DNAH3: variants seen among roughly 807,000 people sequenced by gnomAD.
The protein encoded by DNAH3 is dynein axonemal heavy chain 3.
A neutral mutation model predicts 432.5 loss-of-function variants in DNAH3; 332 were observed. That is an observed-to-expected ratio of 0.77 (90% confidence interval 0.70 to 0.84). The LOEUF is 0.84. Ranked by LOEUF, DNAH3 falls within the 40% of genes least tolerant of loss-of-function variation. The pLI is 0.00. For missense variants in DNAH3, 4,861 were observed against 5,114.0 expected, an observed-to-expected ratio of 0.95 and a Z score of 1.51; for synonymous variants, 1,956 against 1,900.2, an observed-to-expected ratio of 1.03 and a Z score of -0.76.
intron 19 of DNAH3, among the ~76,000 whole-genome samples, chr16:21,086,147 A>G (rs192203333): frequency 3.9e-5 from 6 of 152,256 alleles, no homozygotes; most frequent in Admixed American, 3.9e-4. Flanking sequence ...TTCCATACAG[A>G]GCGACTCCTG....
At chr16:21,141,792 T>C (rs922094264) in intron 3 of DNAH3, among the ~76,000 whole-genome samples, 1 of 152,250 alleles carries the variant, frequency 6.6e-6, no homozygotes, top group Non-Finnish European at 1.5e-5. Context: ...GGCTCATGCC[T>C]GTAATCCCAG....
chr16:21,030,220 A>G (rs1466628013), intron 37 of DNAH3, among the ~76,000 whole-genome samples: 1 of 152,176 alleles, frequency 6.6e-6, no homozygotes, highest in Non-Finnish European at 1.5e-5. Flanking sequence ...TTCCTTGACC[A>G]ACAGAATGCA....
intron 41 of DNAH3, among the ~76,000 whole-genome samples, chr16:21,013,530 G>A (rs1422220198): frequency 6.6e-6 from 1 of 152,064 alleles, no homozygotes; most frequent in African/African-American, 2.4e-5. Context: ...AGACTAGCCT[G>A]ACCAACGTGG....
At chr16:20,977,826 T>C (rs1182245241) in intron 50 of DNAH3, among the ~76,000 whole-genome samples, 1 of 152,214 alleles carries the variant, frequency 6.6e-6, no homozygotes, top group Non-Finnish European at 1.5e-5. Context: ...TGGTCTAGAC[T>C]GTCTTAGGTC....
intron 43 of DNAH3, among the ~76,000 whole-genome samples, 181 bp from the exon 44 acceptor site, chr16:20,997,643 G>C (rs2086820049): frequency 6.6e-6 from 1 of 151,970 alleles, no homozygotes; most frequent in Non-Finnish European, 1.5e-5. Context: ...CTGAGTTCTG[G>C]GCTCTCCTGC....
At chr16:21,158,496 C>G (rs2092915315) in intron 1 of DNAH3, 1 of 152,432 alleles carries the variant, frequency 6.6e-6, no homozygotes, top group Non-Finnish European at 1.5e-5. Flanking sequence ...GCTCCGAAAG[C>G]CAGTGGGAGC....
chr16:21,031,707 T>A (rs552552741), intron 36 of DNAH3, among the ~76,000 whole-genome samples: 1 of 152,284 alleles, frequency 6.6e-6, no homozygotes, highest in Admixed American at 6.5e-5. Context: ...AATCCTCTTT[T>A]CAAATAGGGC....
exon 22 of DNAH3, chr16:21,070,798 T>C (rs2090752991): frequency 3.7e-6 from 6 of 1,611,164 alleles, no homozygotes; most frequent in Non-Finnish European, 5.1e-6. Context: ...CATTTGAATG[T>C]CATCAATTGC....
intron 19 of DNAH3, among the ~76,000 whole-genome samples, chr16:21,085,675 T>A (rs949236547): frequency 6.6e-6 from 1 of 152,046 alleles, no homozygotes; most frequent in Non-Finnish European, 1.5e-5. Flanking sequence ...AGACCCTGAC[T>A]CTCTCATGTA....
At chr16:21,106,864 G>C (rs1002940877) in intron 14 of DNAH3, among the ~76,000 whole-genome samples, 190 bp from the exon 15 acceptor site, 1 of 151,782 alleles carries the variant, frequency 6.6e-6, no homozygotes, top group African/African-American at 2.4e-5. Context: ...CTAAACTCCA[G>C]GAATAATAGC....
At chr16:20,945,965 T>C (rs1001949156) in intron 57 of DNAH3, among the ~76,000 whole-genome samples, 2 of 152,076 alleles carry the variant, frequency 1.3e-5, no homozygotes, top group Non-Finnish European at 2.9e-5. Flanking sequence ...TATCTGTAAA[T>C]AGAAAAACAA....
chr16:21,048,306 T>G (rs998891014), intron 31 of DNAH3, among the ~76,000 whole-genome samples: 2 of 152,216 alleles, frequency 1.3e-5, no homozygotes, highest in Non-Finnish European at 2.9e-5. Flanking sequence ...GATCTCAGAC[T>G]GCTGTGCTAG....
chr16:21,024,652 T>G, exon 39 of DNAH3: 3 of 1,613,716 alleles, frequency 1.9e-6, no homozygotes, highest in Non-Finnish European at 2.5e-6. Flanking sequence ...TAGGAATCCT[T>G]CAGGGGCTTC....
intron 12 of DNAH3, among the ~76,000 whole-genome samples, chr16:21,116,684 G>A (rs975009359): frequency 2.6e-5 from 4 of 152,200 alleles, no homozygotes; most frequent in Admixed American, 2.6e-4. Flanking sequence ...GACATGGCCT[G>A]TGGGTTCAGA....
intron 19 of DNAH3, among the ~76,000 whole-genome samples, chr16:21,083,646 G>A (rs1249633090): frequency 6.6e-6 from 1 of 152,124 alleles, no homozygotes; most frequent in East Asian, 1.9e-4. Context: ...CACAGCCATG[G>A]CCTTGCTTCA....
exon 53 of DNAH3, chr16:20,963,488 A>C (rs1166880562): frequency 2.5e-6 from 4 of 1,613,990 alleles, no homozygotes; most frequent in Admixed American, 1.7e-5. Flanking sequence ...CCTTGAGAGA[A>C]CTTCCAAGAC....
intron 11 of DNAH3, among the ~76,000 whole-genome samples, chr16:21,119,866 T>A (rs2092297741): frequency 6.7e-6 from 1 of 150,256 alleles, no homozygotes; most frequent in African/African-American, 2.4e-5. Context: ...TTTTTTGTAT[T>A]TTTAGTAGAG....
At chr16:21,049,703 G>A (rs2089870749) in intron 30 of DNAH3, 21 bp from the exon 31 acceptor site, 2 of 1,604,392 alleles carry the variant, frequency 1.2e-6, no homozygotes, top group African/African-American at 1.3e-5. Flanking sequence ...GGAGGATGTG[G>A]GTATCATTCA....
chr16:20,982,876 T>C, exon 49 of DNAH3: 2 of 1,614,076 alleles, frequency 1.2e-6, no homozygotes, highest in Non-Finnish European at 1.7e-6. Context: ...CATCCCCTAT[T>C]GGACTCATGG....
Sources: gnomAD v4.1 joint callset for allele counts (sites outside exome capture counted in the v4.1 genomes callset) on GRCh38, gnomAD v4.1.1 for gene constraint, MANE v1.5 for transcripts, NCBI Gene and HGNC (gene_info 2026-07-23, HGNC 2026-07-21) for gene names.